HDAC4: variants seen among roughly 807,000 people sequenced by gnomAD.
The protein encoded by HDAC4 is histone deacetylase A.
A neutral mutation model predicts 135.1 loss-of-function variants in HDAC4; 16 were observed. That is an observed-to-expected ratio of 0.12 (90% CI 0.08 to 0.18). HDAC4 has a LOEUF of 0.18. HDAC4 is among the 10% of genes least tolerant of loss of function. The probability of loss-of-function intolerance (pLI) is 1.00; values close to 1 mark genes in which losing one functional copy is unlikely to be tolerated. For missense variants in HDAC4, 1,143 were observed against 1,511.8 expected (o/e 0.76, Z 4.05); for synonymous variants, 685 against 653.4 (o/e 1.05, Z -0.74).
intron 3 of HDAC4, among the ~76,000 whole-genome samples, chr2:239,208,708 G>A (rs2046202351): frequency 6.7e-6 from 1 of 148,406 alleles, no homozygotes; most frequent in African/African-American, 2.5e-5. Flanking sequence ...GAGCTAATAA[G>A]GAAATGTAAT....
rs145791078 is a variant in HDAC4, at chr2:239,113,423, G to T, written c.1791+1630C>A. Among the ~76,000 whole-genome samples the T allele has an allele frequency of 8.3e-3, 1,270 of 152,296 alleles. 16 individuals carry two copies. Among genetic ancestry groups the T allele is most frequent in the African/African-American group, 0.029 (1,217 of 41,548 alleles). ...GCCGTGGGCCCCACGCGGTTAAGTG[G>T]TTAATAAGCAATCCTCCCCGACGCG... On this transcript the variant is annotated intron_variant, in intron 13 of 26. Transcript: ENST00000543185.
chr2:239,286,052 A>G (rs2051118786), intron 2 of HDAC4, among the ~76,000 whole-genome samples: 1 of 152,256 alleles, frequency 6.6e-6, no homozygotes, highest in South Asian at 2.1e-4. Context: ...TCAGTTACTC[A>G]TATCATGAGA....
At chr2:239,294,303 C>T (rs543571752) in intron 2 of HDAC4, among the ~76,000 whole-genome samples, 2 of 152,152 alleles carry the variant, frequency 1.3e-5, no homozygotes, top group East Asian at 1.9e-4. Context: ...GCCGTGAGGA[C>T]GTGGACACTG....
chr2:239,236,575 A>G lies in HDAC4; in HGVS notation c.94+18T>C. ...CAGCGCAGGGCCGGCCGGACAGGGC[A>G]GGGGTGGGCGGACTTACCCGTGCTG... On this transcript the variant is annotated intron_variant, in intron 3 of 26. Coordinates refer to ENST00000543185, the MANE Select transcript of HDAC4 (RefSeq NM_001378414.1). The G allele has an allele frequency of 1.3e-6, 2 of 1,548,300 alleles. No individual in the cohort carries two copies. Among genetic ancestry groups the G allele is most frequent in the Non-Finnish European group, 1.7e-6 (2 of 1,143,874 alleles).
chr2:239,179,144 G>C (rs1476071713), intron 4 of HDAC4, among the ~76,000 whole-genome samples: 1 of 152,086 alleles, frequency 6.6e-6, no homozygotes, highest in Non-Finnish European at 1.5e-5. Flanking sequence ...GCATAGAGTG[G>C]GGTGTGCGTG....
At chr2:239,151,848 G>T (rs1378389829) in intron 7 of HDAC4, among the ~76,000 whole-genome samples, 3 of 152,190 alleles carry the variant, frequency 2.0e-5, no homozygotes, top group African/African-American at 4.8e-5. Context: ...ACATGCTGGG[G>T]AGAGTGTTTG....
chr2:239,064,482 C>A (rs981036566), intron 24 of HDAC4, among the ~76,000 whole-genome samples: 8 of 152,164 alleles, frequency 5.3e-5, no homozygotes, highest in Admixed American at 1.3e-4. Flanking sequence ...CTGCCCCTCA[C>A]ATCGGCCTCA....
chr2:239,324,488 G>A (rs2053411781), intron 2 of HDAC4, among the ~76,000 whole-genome samples: 1 of 152,214 alleles, frequency 6.6e-6, no homozygotes, highest in African/African-American at 2.4e-5. Flanking sequence ...CTCTCCAGGG[G>A]CCAAGCAAAG....
intron 3 of HDAC4, among the ~76,000 whole-genome samples, chr2:239,204,177 C>G (rs1396169376): frequency 6.6e-6 from 1 of 152,206 alleles, no homozygotes; most frequent in Non-Finnish European, 1.5e-5. Flanking sequence ...AACCTGTGAG[C>G]TCCTCTCTGC....
At chr2:239,267,290 G>A (rs58937533) in intron 2 of HDAC4, among the ~76,000 whole-genome samples, 3,364 of 152,234 alleles carry the variant, frequency 0.022, 122 homozygotes, top group African/African-American at 0.077. Flanking sequence ...CCATGGACAC[G>A]CATACCACAC....
At chr2:239,074,548 T>C (rs2152647071) in intron 22 of HDAC4, among the ~76,000 whole-genome samples, 1 of 152,374 alleles carries the variant, frequency 6.6e-6, no homozygotes, top group South Asian at 2.1e-4. Context: ...CACTGGCACG[T>C]CGGCCACACG....
Position 239,236,652 on chromosome 2 carries a change from C to T in HDAC4, c.35G>A (p.Gly12Asp). ...CAGCAGCTCCACTGGCTGGTCTCGG[C>T]CAGAAAGTCCATCTGGAGAACAGAG... ...SSQSHPDGLSGRDQPVELLNP... is the reference protein window; with the variant it reads ...SSQSHPDGLSDRDQPVELLNP... The change falls in exon 3 of 27, where the codon GGC becomes GAC. Residue 12 changes from glycine to aspartate, a missense_variant. Gly to Asp is a moderately conservative substitution (Grantham distance 94, BLOSUM62 -1). Transcript: ENST00000543185. 6.4e-7 allele frequency: 1 copy of T among 1,551,630 alleles called. No homozygotes were observed. Among genetic ancestry groups the T allele is most frequent in the Admixed American group, 2.0e-5 (1 of 51,006 alleles).
chr2:239,175,046 A>G (rs1323489002), intron 5 of HDAC4, among the ~76,000 whole-genome samples: 2 of 152,038 alleles, frequency 1.3e-5, no homozygotes, highest in East Asian at 1.9e-4. Context: ...AAATCCCTCT[A>G]CTCTCCTTAC....
At chr2:239,075,598 A>C (rs1284339716) in intron 22 of HDAC4, among the ~76,000 whole-genome samples, 2 of 152,212 alleles carry the variant, frequency 1.3e-5, no homozygotes, top group African/African-American at 4.8e-5. Context: ...CGTGGTGCTA[A>C]GGGGAGAGAG....
chr2:239,113,470 T>C (rs1042419854), intron 13 of HDAC4, among the ~76,000 whole-genome samples: 5 of 152,322 alleles, frequency 3.3e-5, no homozygotes, highest in East Asian at 1.9e-4. Flanking sequence ...CCCCGCCTTA[T>C]GTTTACCTCG....
intron 1 of HDAC4, among the ~76,000 whole-genome samples, chr2:239,383,318 G>A (rs1220951508): frequency 1.3e-5 from 2 of 152,198 alleles, no homozygotes; most frequent in Non-Finnish European, 2.9e-5. Flanking sequence ...CATAACCACT[G>A]AGCAGATCCT....
At chr2:239,140,379 GAGACCAGGTTC>G (rs779096589) in intron 8 of HDAC4, among the ~76,000 whole-genome samples, 1 of 152,150 alleles carries the variant, frequency 6.6e-6, no homozygotes, top group Non-Finnish European at 1.5e-5. Context: ...CCTGGTTAAT[GAGACCAGGTTC>G]CGCTCTGACT....
intron 1 of HDAC4, among the ~76,000 whole-genome samples, chr2:239,364,049 T>C (rs1287243974): frequency 2.6e-5 from 4 of 152,064 alleles, no homozygotes; most frequent in Non-Finnish European, 5.9e-5. Context: ...CTAAAATCTA[T>C]AAACGAAAGG....
intron 2 of HDAC4, among the ~76,000 whole-genome samples, chr2:239,237,054 G>A (rs563297103): frequency 1.2e-3 from 177 of 152,196 alleles, no homozygotes; most frequent in Middle Eastern, 6.8e-3. Context: ...CGGTCTGGAC[G>A]CTCACAGAAA....
Sources: allele counts gnomAD v4.1 joint callset (sites outside exome capture counted in the v4.1 genomes callset), GRCh38; gene constraint gnomAD v4.1.1; transcripts MANE v1.5; gene names NCBI Gene and HGNC (gene_info 2026-07-23, HGNC 2026-07-21).